TLCD4: variants seen among roughly 807,000 people sequenced by gnomAD.
TLCD4 encodes TLC domain-containing protein 4.
TLCD4 carries 7 observed loss-of-function variants against 24.2 expected under a neutral mutation model. The observed-to-expected ratio is 0.29, with a 90% CI of 0.16 to 0.54. TLCD4 has a LOEUF of 0.54. Ranked by LOEUF, TLCD4 falls within the 20% of genes least tolerant of loss-of-function variation. TLCD4 has a pLI of 0.95. For synonymous variants in TLCD4, 103 were observed against 106.4 expected (o/e 0.97, Z 0.20); for missense variants, 259 against 313.9 (o/e 0.82, Z 1.32).
chr1:95,111,967 T>C, the TLCD4 span, among the ~76,000 whole-genome samples: 1 of 152,114 alleles, frequency 6.6e-6, no homozygotes, highest in Non-Finnish European at 1.5e-5. Flanking sequence ...GACAAATGTG[T>C]TTGAAATAGA....
At chr1:95,144,831 C>T (rs1338291626) in intron 2 of TLCD4, among the ~76,000 whole-genome samples, 3 of 152,096 alleles carry the variant, frequency 2.0e-5, no homozygotes, top group African/African-American at 7.2e-5. Flanking sequence ...GCTGGGATTA[C>T]AGGCATGCGC....
intron 6 of TLCD4, among the ~76,000 whole-genome samples, chr1:95,190,701 C>T (rs576833808): frequency 2.2e-4 from 34 of 152,082 alleles, no homozygotes; most frequent in Non-Finnish European, 4.7e-4. Flanking sequence ...GGATTACAGG[C>T]GTGAGCCACT....
At chr1:95,136,329 T>C (rs1458428917) in intron 1 of TLCD4, among the ~76,000 whole-genome samples, 1 of 152,204 alleles carries the variant, frequency 6.6e-6, no homozygotes, top group African/African-American at 2.4e-5. Context: ...GTCTTGTGTG[T>C]ATGGCTATTA....
At chr1:95,160,438 C>T (rs1677756911) in intron 5 of TLCD4, among the ~76,000 whole-genome samples, 1 of 152,172 alleles carries the variant, frequency 6.6e-6, no homozygotes, top group Non-Finnish European at 1.5e-5. Context: ...AATATACAGT[C>T]ATGTTATCTG....
chr1:95,186,601 A>G (rs1299536753), intron 6 of TLCD4, among the ~76,000 whole-genome samples: 1 of 152,198 alleles, frequency 6.6e-6, no homozygotes, highest in Non-Finnish European at 1.5e-5. Context: ...GAGGTATAAT[A>G]TTTCTTGAGT....
At chr1:95,167,098 C>T (rs1040913617) in intron 5 of TLCD4, among the ~76,000 whole-genome samples, 6 of 151,770 alleles carry the variant, frequency 4.0e-5, no homozygotes, top group Non-Finnish European at 8.8e-5. Context: ...CAGTATTTTT[C>T]CTGATGGCCC....
At chr1:95,183,556 C>A (rs1678720490) in intron 6 of TLCD4, among the ~76,000 whole-genome samples, 1 of 152,102 alleles carries the variant, frequency 6.6e-6, no homozygotes, top group Non-Finnish European at 1.5e-5. Flanking sequence ...ACTGGAAAAT[C>A]AGCCAGGTGT....
chr1:95,140,238 C>T (rs1677161237), intron 1 of TLCD4, among the ~76,000 whole-genome samples: 1 of 152,152 alleles, frequency 6.6e-6, no homozygotes, highest in African/African-American at 2.4e-5. Context: ...ATTGTATGTG[C>T]TAGACTTTTA....
chr1:95,150,084 T>A, intron 3 of TLCD4, 124 bp from the exon 4 acceptor site: 1 of 1,318,834 alleles, frequency 7.6e-7, no homozygotes, highest in Non-Finnish European at 1.0e-6. Flanking sequence ...TATTTGAAGA[T>A]GACAGCTTAC....
At chr1:95,140,693 T>G (rs1571737691) in intron 1 of TLCD4, 1 of 152,188 alleles carries the variant, frequency 6.6e-6, no homozygotes, top group Non-Finnish European at 1.5e-5. Context: ...CTAGGCCAAA[T>G]AGTATCCCAG....
the TLCD4 span, among the ~76,000 whole-genome samples, chr1:95,095,712 T>C: frequency 0.051 from 7,727 of 152,302 alleles, 209 homozygotes; most frequent in South Asian, 0.066. Flanking sequence ...TAGGTCTTAA[T>C]TATGTATACT....
At chr1:95,136,147 G>A (rs1677035449) in intron 1 of TLCD4, among the ~76,000 whole-genome samples, 1 of 151,918 alleles carries the variant, frequency 6.6e-6, no homozygotes, top group African/African-American at 2.4e-5. Flanking sequence ...CCACTCTAAG[G>A]GTACTTTGGT....
chr1:95,193,854 C>T lies in TLCD4; in HGVS notation c.*1986C>T, dbSNP rs1679101970. On this transcript the variant is annotated 3_prime_UTR_variant, in exon 7 of 7. Coordinates refer to ENST00000370203, the MANE Select transcript of TLCD4 (RefSeq NM_152487.3). Reference sequence around the variant, plus strand: ...GGTTAACTAGAGGGGGGTAGGAAAGCAAGCGGTTTTATCTTGTTCTTACCT... The same window carrying T: ...GGTTAACTAGAGGGGGGTAGGAAAGTAAGCGGTTTTATCTTGTTCTTACCT... The T allele has an allele frequency of 6.6e-6, 1 of 152,048 alleles. No individual in the cohort carries two copies. The highest frequency in any genetic ancestry group is 2.1e-4 in the South Asian group (1 of 4,828). The allele number at this position is 152,048 out of a possible 1,614,324, so 9.4% of individuals were successfully genotyped here.
At chr1:95,171,566 T>A (rs1395357918) in intron 5 of TLCD4, among the ~76,000 whole-genome samples, 1 of 152,202 alleles carries the variant, frequency 6.6e-6, no homozygotes, top group Admixed American at 6.5e-5. Flanking sequence ...AGAGTTCAGA[T>A]AATGAAAATG....
rs558124558 is a variant in TLCD4 at position 95,144,629 on chromosome 1, A to G, written c.155+573A>G. Among the ~76,000 whole-genome samples the G allele has an allele frequency of 8.5e-5, 13 of 152,092 alleles. No homozygotes were observed. The South Asian group carries it at 2.5e-3, about 29-fold the overall frequency. ...TTTTAAACAGAAAAGTAAATGGAGA[A>G]AGAATTAGACATCTATTGATATAGA... On this transcript the variant is annotated intron_variant, in intron 2 of 6. Coordinates refer to ENST00000370203, the MANE Select transcript of TLCD4 (RefSeq NM_152487.3).
intron 2 of TLCD4, 83 bp downstream of exon 2, chr1:95,144,139 A>G: frequency 1.6e-6 from 2 of 1,248,966 alleles, no homozygotes; most frequent in Non-Finnish European, 2.0e-6. Context: ...AAAGTATTTC[A>G]TTTAGGATCT....
At chr1:95,100,697 T>C in the TLCD4 span, among the ~76,000 whole-genome samples, 3 of 152,236 alleles carry the variant, frequency 2.0e-5, no homozygotes, top group Non-Finnish European at 2.9e-5. Flanking sequence ...AGTATAAATA[T>C]GTCTTTTTCA....
At chr1:95,185,022 CT>C (rs201840008) in intron 6 of TLCD4, among the ~76,000 whole-genome samples, 1,585 of 143,602 alleles carry the variant, frequency 0.011, 25 homozygotes, top group East Asian at 0.045. Flanking sequence ...TGACCAATTT[CT>C]TTTTTTTTTT....
the TLCD4 span, among the ~76,000 whole-genome samples, chr1:95,101,053 G>A: frequency 2.6e-5 from 4 of 151,732 alleles, no homozygotes; most frequent in South Asian, 2.1e-4. Context: ...GATTACAGGC[G>A]CCCGCCAATG....
Sources: gnomAD v4.1 joint callset for allele counts (sites outside exome capture counted in the v4.1 genomes callset) on GRCh38, gnomAD v4.1.1 for gene constraint, MANE v1.5 for transcripts, NCBI Gene and HGNC (gene_info 2026-07-23, HGNC 2026-07-21) for gene names.